The following CAPN12 variants were observed in gnomAD, a reference collection of about 807,000 sequenced individuals.
The protein encoded by CAPN12 is calpain-12.
In CAPN12, 107 loss-of-function variants were observed where a neutral mutation model predicts 95.0. That is an observed-to-expected ratio of 1.13 (90% CI 0.96 to 1.32). The LOEUF is 1.32. Among genes scored for constraint, CAPN12 ranks in the 40% most tolerant of loss-of-function variants. The pLI, the probability that CAPN12 is intolerant of heterozygous loss-of-function variation, is 0.00. For missense variants in CAPN12, 1,136 were observed against 997.8 expected, an observed-to-expected ratio of 1.14 and a Z score of -1.87; for synonymous variants, 505 against 415.5, an observed-to-expected ratio of 1.22 and a Z score of -2.62.
At position 38,737,591 on chromosome 19, in the gene CAPN12, C is replaced by G; in HGVS notation, c.1013G>C (p.Cys338Ser). The stretch of plus-strand genomic sequence containing the variant: ...GCCCAGCACCTCCGGGCTCAGCGAG[C>G]AGATCTGCACGGTGTCGAAATGGAG... ...FLLHFDTVQI[C>S]SLSPEVLGPS... Residue 338 changes from cysteine to serine, a missense_variant, in exon 9 of 21, where the codon TGC becomes TCC. Coordinates refer to ENST00000328867, the MANE Select transcript of CAPN12 (RefSeq NM_144691.4). 1 of 1,611,402 alleles carries G rather than the reference C, an allele frequency of 6.2e-7. No homozygotes were observed. Among genetic ancestry groups the G allele is most frequent in the Non-Finnish European group, 8.5e-7 (1 of 1,179,268 alleles).
At position 38,744,275 on chromosome 19, in the gene CAPN12, C is replaced by T; in HGVS notation, c.-110G>A. The T allele has an allele frequency of 1.0e-6, 1 of 997,418 alleles. No individual in the cohort carries two copies. Among genetic ancestry groups the T allele is most frequent in the African/African-American group, 1.6e-5 (1 of 62,582 alleles). The allele number at this position is 997,418 out of a possible 1,614,324, so 61.8% of individuals were successfully genotyped here. ...GTGGGGTCTTTAGGCAATGAGGAGC[C>T]TTCCCTCGTTAATATTAATTGATGG... On this transcript the variant is annotated 5_prime_UTR_variant, in exon 1 of 21. Transcript: ENST00000328867.
chr19:38,741,950 C>T, intron 3 of CAPN12, 40 bp from the exon 4 acceptor site: 1 of 1,605,026 alleles, frequency 6.2e-7, no homozygotes, highest in Non-Finnish European at 8.5e-7. Context: ...GGCTTCCAAC[C>T]TCCAACCCTG....
At position 38,730,683 on chromosome 19, in the gene CAPN12, G is replaced by T; in HGVS notation, c.*169C>A. 1 of 721,038 alleles carries T rather than the reference G, an allele frequency of 1.4e-6. No homozygotes were observed. The highest frequency in any genetic ancestry group is 2.3e-6 in the Non-Finnish European group (1 of 431,630). The allele number at this position is 721,038 out of a possible 1,614,324, so 44.7% of individuals were successfully genotyped here. On this transcript the variant is annotated 3_prime_UTR_variant, in exon 21 of 21. Coordinates refer to ENST00000328867, the MANE Select transcript of CAPN12 (RefSeq NM_144691.4). ...GCTGTCGCTGTTCTTGTTTCTGAGTGAGGAGTACGCAGGCCAGAGTGGTCA... is the reference window on the plus strand; with the variant it reads ...GCTGTCGCTGTTCTTGTTTCTGAGTTAGGAGTACGCAGGCCAGAGTGGTCA...
chr19:38,742,645 G>A, intron 2 of CAPN12, 117 bp from the exon 3 acceptor site: 1 of 709,368 alleles, frequency 1.4e-6, no homozygotes. Flanking sequence ...GTGAGCCTAG[G>A]AGTTCAAGAC....
intron 18 of CAPN12, 174 bp from the exon 19 acceptor site, chr19:38,731,397 C>T (rs1183687099): frequency 4.8e-6 from 3 of 625,484 alleles, no homozygotes; most frequent in Non-Finnish European, 8.7e-6. Context: ...GGGCCTGTTT[C>T]CTCATCCATC....
At chr19:38,733,665 G>A (rs764450766) in intron 18 of CAPN12, 38 bp downstream of exon 18, 7 of 1,572,426 alleles carry the variant, frequency 4.5e-6, no homozygotes, top group Middle Eastern at 1.7e-4. Flanking sequence ...GAGAGAACAG[G>A]TCCTGTCCCC....
rs1969904622 is a variant in CAPN12, at chr19:38,734,871, C to T, written c.1687-1G>A. On this transcript the variant is annotated splice_acceptor_variant, in intron 14 of 20. Coordinates refer to ENST00000328867, the MANE Select transcript of CAPN12 (RefSeq NM_144691.4). LOFTEE classifies it high-confidence loss of function. ...GCTGAGAGGCATTGAGTTCTTCCTC[C>T]TAGTCCAGGAAAGAGGGCTTGTGAG... is the stretch of plus-strand genomic sequence containing the variant. 3.7e-6 allele frequency: 6 copies of T among 1,612,542 alleles called. 1 individual carries two copies. The highest frequency in any genetic ancestry group is 3.3e-5 in the South Asian group (3 of 91,032).
chr19:38,734,636 C>G (rs1969884054), intron 15 of CAPN12, 177 bp downstream of exon 15: 1 of 671,770 alleles, frequency 1.5e-6, no homozygotes, highest in Non-Finnish European at 2.5e-6. Flanking sequence ...CAGCCGTGGC[C>G]CAGGTCACGG....
At chr19:38,731,668 C>CT (rs1161789897) in intron 18 of CAPN12, 1 of 203,438 alleles carries the variant, frequency 4.9e-6, no homozygotes, top group Non-Finnish European at 1.0e-5. Context: ...TCATTGGAGG[C>CT]TTTTAAAAAC....
rs11406594 is a variant in CAPN12 at position 38,742,850 on chromosome 19, C to CAA, written c.307+181_307+182dup. On this transcript the variant is annotated intron_variant, in intron 2 of 20. Coordinates refer to ENST00000328867, the MANE Select transcript of CAPN12 (RefSeq NM_144691.4). Reference sequence around the variant, plus strand: ...TGGGTGACAGAGTGAGACCCCATCTCAAAAAAAAAAAAAAAAAAAAAAGGA... The same window carrying CAA: ...TGGGTGACAGAGTGAGACCCCATCTCAAAAAAAAAAAAAAAAAAAAAAAAGGA... 0.095 allele frequency among the ~76,000 whole-genome samples: 4,976 copies of CAA among 52,572 alleles called. 366 individuals are homozygous for CAA. The highest frequency in any genetic ancestry group is 0.11 in the South Asian group (83 of 746). 34.5% of individuals were successfully genotyped at this position (52,572 alleles called of 152,430 possible). A position where few individuals can be genotyped will look rare whatever the true frequency, so the allele number is the denominator to read the frequency against.
At chr19:38,730,931 G>C (rs1316266058) in intron 20 of CAPN12, 34 bp downstream of exon 20, 1 of 1,550,528 alleles carries the variant, frequency 6.4e-7, no homozygotes, top group Non-Finnish European at 8.7e-7. Flanking sequence ...GCAGGACAGA[G>C]CCTGAGCCAC....
intron 18 of CAPN12, chr19:38,733,045 A>G (rs766467259): frequency 2.6e-5 from 4 of 151,568 alleles, no homozygotes; most frequent in Non-Finnish European, 5.9e-5. Context: ...GCATTCTCCA[A>G]TCACTAAGTG....
intron 17 of CAPN12, 160 bp downstream of exon 17, chr19:38,733,982 G>A (rs888492795): frequency 2.4e-6 from 2 of 840,946 alleles, no homozygotes; most frequent in Admixed American, 2.6e-5. Flanking sequence ...AGGACAAGCT[G>A]AGGCTGGGTG....
Position 38,742,579 on chromosome 19 carries a change from G to A in CAPN12, c.308-51C>T, listed in dbSNP as rs539759736. The A allele has an allele frequency of 2.3e-5, 31 of 1,328,488 alleles. No individual in the cohort carries two copies. The African/African-American group carries it at 3.8e-4, about 16-fold the overall frequency. The allele number at this position is 1,328,488 out of a possible 1,614,324, so 82.3% of individuals were successfully genotyped here. ...GAGGATGGAAGGAGGGAGGCCTGGTGCGGTGGCTCATGCCTCTAATCCCAG... is the reference window on the plus strand; with the variant it reads ...GAGGATGGAAGGAGGGAGGCCTGGTACGGTGGCTCATGCCTCTAATCCCAG... On this transcript the variant is annotated intron_variant, in intron 2 of 20. Transcript: ENST00000328867.
At chr19:38,741,551 C>A (rs1298723523) in intron 4 of CAPN12, among the ~76,000 whole-genome samples, 3 of 146,954 alleles carry the variant, frequency 2.0e-5, no homozygotes, top group Admixed American at 6.9e-5. Flanking sequence ...CCAGCCTGGG[C>A]GACAGAGTGA....
At position 38,735,368 on chromosome 19, in the gene CAPN12, A is replaced by G; in HGVS notation, c.1686+2T>C. 1 of 1,586,862 alleles carries G rather than the reference A, an allele frequency of 6.3e-7. No homozygotes were observed. Among genetic ancestry groups the G allele is most frequent in the Non-Finnish European group, 8.6e-7 (1 of 1,164,574 alleles). ...CCCCCTCAGTCCAATCCCCCTCCTC[A>G]CCTCTCCAGCCAGCTCCTGAAACAG... On this transcript the variant is annotated splice_donor_variant, in intron 14 of 20. Coordinates refer to ENST00000328867, the MANE Select transcript of CAPN12 (RefSeq NM_144691.4). LOFTEE classifies it high-confidence loss of function.
At position 38,730,585 on chromosome 19, in the gene CAPN12, G is replaced by C; in HGVS notation, c.*267C>G. 1 of 561,568 alleles carries C rather than the reference G, an allele frequency of 1.8e-6. No homozygotes were observed. Among genetic ancestry groups the C allele is most frequent in the Non-Finnish European group, 3.2e-6 (1 of 314,192 alleles). 34.8% of individuals were successfully genotyped at this position (561,568 alleles called of 1,614,324 possible). A position where few individuals can be genotyped will look rare whatever the true frequency, so the allele number is the denominator to read the frequency against. ...TCCTGTGTCTGTCCTCCACCTTCTA[G>C]GAGAGCCAGGGCAGAGCTAGCACTG... is the stretch of plus-strand genomic sequence containing the variant. On this transcript the variant is annotated 3_prime_UTR_variant, in exon 21 of 21. Transcript: ENST00000328867.
At chr19:38,734,782 C>A (rs758556433) in intron 15 of CAPN12, 31 bp downstream of exon 15, 1 of 1,604,772 alleles carries the variant, frequency 6.2e-7, no homozygotes, top group East Asian at 2.2e-5. Context: ...GGCTAAGACC[C>A]CTCCTCCTGC....
chr19:38,738,376 C>G, intron 7 of CAPN12, 29 bp from the exon 8 acceptor site: 1 of 1,611,252 alleles, frequency 6.2e-7, no homozygotes, highest in African/African-American at 1.3e-5. Context: ...GAGGGGCGGG[C>G]AGGTGGGGTC....
Sources: gnomAD v4.1 joint callset for allele counts (sites outside exome capture counted in the v4.1 genomes callset) on GRCh38, gnomAD v4.1.1 for gene constraint, MANE v1.5 for transcripts, NCBI Gene and HGNC (gene_info 2026-07-23, HGNC 2026-07-21) for gene names.